The following PIK3C2A variants were observed in gnomAD, a reference collection of about 807,000 sequenced individuals.
PIK3C2A encodes the protein phosphatidylinositol-4-phosphate 3-kinase catalytic subunit type 2 alpha, also known as phosphatidylinositol 4-phosphate 3-kinase C2 domain-containing subunit alpha.
PIK3C2A carries 97 observed loss-of-function variants against 204.5 expected under a neutral mutation model. The ratio of observed to expected loss-of-function variants is 0.47; its 90% CI spans 0.40 to 0.56. The LOEUF (loss-of-function observed/expected upper bound fraction) is 0.56. Among genes scored for constraint, PIK3C2A ranks in the 20% least tolerant of loss-of-function variants. PIK3C2A has a pLI of 0.00. For synonymous variants in PIK3C2A, 653 were observed against 664.4 expected (o/e 0.98, Z 0.26); for missense variants, 1,735 against 1,969.2 (o/e 0.88, Z 2.25).
chr11:17,089,455 C>A lies in PIK3C2A; in HGVS notation c.*283G>T. The A allele has an allele frequency of 3.6e-6, 1 of 278,624 alleles. No homozygotes were observed. The highest frequency in any genetic ancestry group is 6.8e-6 in the Non-Finnish European group (1 of 147,826). 17.3% of individuals were successfully genotyped at this position (278,624 alleles called of 1,614,324 possible). A position where few individuals can be genotyped will look rare whatever the true frequency, so the allele number is the denominator to read the frequency against. On this transcript the variant is annotated 3_prime_UTR_variant, in exon 33 of 33. Coordinates refer to ENST00000691414, the MANE Select transcript of PIK3C2A (RefSeq NM_002645.4). ...AACTGACATAGTACTGTCTCAAAGTCTTTTTCAGGAATTAGTATATATTAA... is the reference window on the plus strand; with the variant it reads ...AACTGACATAGTACTGTCTCAAAGTATTTTTCAGGAATTAGTATATATTAA...
intron 27 of PIK3C2A, among the ~76,000 whole-genome samples, chr11:17,095,950 A>C (rs1406066855): frequency 2.0e-5 from 3 of 151,832 alleles, no homozygotes; most frequent in Admixed American, 1.3e-4. Flanking sequence ...CATAACATAA[A>C]ATAAAATAAA....
chr11:17,181,570 C>T (rs1394896076), intron 1 of PIK3C2A, among the ~76,000 whole-genome samples: 29 of 144,220 alleles, frequency 2.0e-4, no homozygotes. Context: ...AGTTCAACAC[C>T]AACCTGGGCA....
At chr11:17,197,631 C>CTTA (rs1411413038) in intron 1 of PIK3C2A, among the ~76,000 whole-genome samples, 48 of 152,240 alleles carry the variant, frequency 3.2e-4, no homozygotes, top group Non-Finnish European at 2.6e-4. Flanking sequence ...GCAAGAGATC[C>CTTA]CTATTGAAAG....
chr11:17,201,788 AT>A (rs1443003451), intron 1 of PIK3C2A, among the ~76,000 whole-genome samples: 1 of 152,034 alleles, frequency 6.6e-6, no homozygotes, highest in Non-Finnish European at 1.5e-5. Context: ...CCCGTAACAA[AT>A]TTTTTTAAAT....
intron 1 of PIK3C2A, among the ~76,000 whole-genome samples, chr11:17,190,810 G>A (rs890166579): frequency 1.3e-5 from 2 of 152,038 alleles, no homozygotes; most frequent in Admixed American, 1.3e-4. Flanking sequence ...AAAAGAGGGG[G>A]AAGGGTATAC....
At position 17,088,261 on chromosome 11, in the gene PIK3C2A, T is replaced by C. The variant is rs1278323010; in HGVS notation, c.*1477A>G. ...ATGAATCTTACTCTTTTTTTCTTTT[T>C]TTTTAAGATGGAGTTTTGCTCTTGT... is the stretch of plus-strand genomic sequence containing the variant. On this transcript the variant is annotated 3_prime_UTR_variant, in exon 33 of 33. Coordinates refer to ENST00000691414, the MANE Select transcript of PIK3C2A (RefSeq NM_002645.4). The C allele has an allele frequency of 1.3e-5, 2 of 152,224 alleles. No individual in the cohort carries two copies. The highest frequency in any genetic ancestry group is 2.9e-5 in the Non-Finnish European group (2 of 68,044). 9.4% of individuals were successfully genotyped at this position (152,224 alleles called of 1,614,324 possible).
Position 17,129,480 on chromosome 11 carries a change from A to T in PIK3C2A, c.2232-13T>A. On this transcript the variant is annotated splice_polypyrimidine_tract_variant and intron_variant, in intron 12 of 32. Coordinates refer to ENST00000691414, the MANE Select transcript of PIK3C2A (RefSeq NM_002645.4). The stretch of plus-strand genomic sequence containing the variant: ...AGGAAAAATGATTCTATGGGGGGAA[A>T]AATGTATTAATAGAACAAATTAGAT... The T allele has an allele frequency of 6.5e-7, 1 of 1,543,030 alleles. No homozygotes were observed. Among genetic ancestry groups the T allele is most frequent in the Non-Finnish European group, 8.9e-7 (1 of 1,119,442 alleles).
chr11:17,205,867 T>C (rs1852553414), intron 1 of PIK3C2A, among the ~76,000 whole-genome samples: 2 of 152,218 alleles, frequency 1.3e-5, no homozygotes, highest in African/African-American at 4.8e-5. Context: ...AAGTCTTTAA[T>C]CCCAGCACTT....
chr11:17,142,770 T>C (rs1850107836), intron 8 of PIK3C2A, among the ~76,000 whole-genome samples: 1 of 152,134 alleles, frequency 6.6e-6, no homozygotes, highest in African/African-American at 2.4e-5. Flanking sequence ...GACTACTGAA[T>C]TCAGGATCAT....
intron 2 of PIK3C2A, among the ~76,000 whole-genome samples, chr11:17,167,997 C>A (rs1851026202): frequency 6.7e-6 from 1 of 150,260 alleles, no homozygotes; most frequent in African/African-American, 2.5e-5. Context: ...GGGCTAAAAA[C>A]CAAAATTTCT....
chr11:17,188,427 G>C (rs1353041350), intron 1 of PIK3C2A, among the ~76,000 whole-genome samples: 1 of 146,954 alleles, frequency 6.8e-6, no homozygotes, highest in Non-Finnish European at 1.5e-5. Context: ...CCCTTTAATA[G>C]AGAGAGAGGC....
intron 2 of PIK3C2A, among the ~76,000 whole-genome samples, chr11:17,162,648 G>A (rs556292359): frequency 2.0e-5 from 3 of 152,288 alleles, no homozygotes; most frequent in Admixed American, 2.0e-4. Context: ...AACCAATTCA[G>A]CTGCTTCTGT....
At chr11:17,091,698 T>C (rs368802601) in intron 30 of PIK3C2A, 42 bp from the exon 31 acceptor site, 93 of 1,254,028 alleles carry the variant, frequency 7.4e-5, no homozygotes, top group Non-Finnish European at 1.0e-4. Flanking sequence ...CTGGTTGTAG[T>C]GGTTCAAGCT....
intron 2 of PIK3C2A, among the ~76,000 whole-genome samples, chr11:17,162,463 G>A (rs1850808976): frequency 6.6e-6 from 1 of 151,964 alleles, no homozygotes; most frequent in Admixed American, 6.6e-5. Flanking sequence ...GCCTAAACCT[G>A]CCTCCTAACA....
intron 4 of PIK3C2A, among the ~76,000 whole-genome samples, chr11:17,149,719 C>T (rs1210394087): frequency 4.6e-5 from 7 of 151,858 alleles, no homozygotes; most frequent in Non-Finnish European, 1.0e-4. Context: ...TCTCAAAAAA[C>T]AACAACAACA....
intron 6 of PIK3C2A, 99 bp from the exon 7 acceptor site, chr11:17,146,041 A>C (rs1850232675): frequency 8.8e-6 from 7 of 797,162 alleles, no homozygotes; most frequent in Non-Finnish European, 9.9e-6. Context: ...CTTGCAACTA[A>C]AGTGTTTTTC....
At chr11:17,113,781 CAAA>C (rs1283891348) in intron 20 of PIK3C2A, among the ~76,000 whole-genome samples, 2 of 76,930 alleles carry the variant, frequency 2.6e-5, no homozygotes, top group South Asian at 4.5e-4. Flanking sequence ...GACTCCATCT[CAAA>C]AAAAAAAAAA....
At position 17,114,074 on chromosome 11, in the gene PIK3C2A, T is replaced by A. The variant is rs564564804; in HGVS notation, c.3321+287A>T. On this transcript the variant is annotated intron_variant, in intron 20 of 32. Coordinates refer to ENST00000691414, the MANE Select transcript of PIK3C2A (RefSeq NM_002645.4). Reference sequence around the variant, plus strand: ...CAGCTTGGGCAAGAGTGAGACTTTGTCTCAAAAAATAAATAAATAAATAAA... The same window carrying A: ...CAGCTTGGGCAAGAGTGAGACTTTGACTCAAAAAATAAATAAATAAATAAA... Among the ~76,000 whole-genome samples the A allele has an allele frequency of 6.3e-4, 42 of 66,872 alleles. No individual in the cohort carries two copies. In the South Asian group the frequency reaches 0.018, roughly 29 times the overall value. The allele number at this position is 66,872 out of a possible 152,430, so 43.9% of individuals were successfully genotyped here. A position where few individuals can be genotyped will look rare whatever the true frequency, so the allele number is the denominator to read the frequency against.
At chr11:17,171,250 G>A (rs1764745278) in intron 1 of PIK3C2A, among the ~76,000 whole-genome samples, 1 of 152,060 alleles carries the variant, frequency 6.6e-6, no homozygotes, top group African/African-American at 2.4e-5. Context: ...CCTCTCATTG[G>A]CCTTGGGCAT....
Sources: allele counts gnomAD v4.1 joint callset (sites outside exome capture counted in the v4.1 genomes callset), GRCh38; gene constraint gnomAD v4.1.1; transcripts MANE v1.5; gene names NCBI Gene and HGNC (gene_info 2026-07-23, HGNC 2026-07-21).